The following ALPK1 variants were observed in gnomAD, a reference collection of about 807,000 sequenced individuals.
ALPK1 encodes alpha kinase 1.
A neutral mutation model predicts 120.6 loss-of-function variants in ALPK1; 110 were observed. The ratio of observed to expected loss-of-function variants is 0.91; its 90% confidence interval spans 0.78 to 1.07. ALPK1 has a LOEUF of 1.07. ALPK1 is among the 50% of genes least tolerant of loss of function. The pLI, the probability that ALPK1 is intolerant of heterozygous loss-of-function variation, is 0.00. For synonymous variants in ALPK1, 582 were observed against 560.3 expected, an observed-to-expected ratio of 1.04 and a Z score of -0.55; for missense variants, 1,498 against 1,483.9, an observed-to-expected ratio of 1.01 and a Z score of -0.16.
At chr4:112,327,580 C>T (rs999186914) in intron 2 of ALPK1, among the ~76,000 whole-genome samples, 11 of 152,046 alleles carry the variant, frequency 7.2e-5, no homozygotes, top group African/African-American at 1.2e-4. Flanking sequence ...GGACTACAGG[C>T]GTGCACAACC....
intron 3 of ALPK1, 59 bp downstream of exon 3, chr4:112,377,957 G>T: frequency 6.6e-7 from 1 of 1,518,298 alleles, no homozygotes; most frequent in Non-Finnish European, 8.9e-7. Flanking sequence ...CCTGTCCCCT[G>T]CCTGAACGAC....
In ALPK1 at chr4:112,432,164, A is replaced by G. The variant is rs1414424274; in HGVS notation, c.2617A>G (p.Arg873Gly). ...CTGCACAAATGGGCACGGCTCTCAT[A>G]GACTGTGCATTCTGAGACAGCCGCC... ...VPCTNGHGSH[R>G]LCILRQPPGQ... Residue 873 changes from arginine (R) to glycine (G), a missense_variant, in exon 11 of 16, where the codon AGA becomes GGA. Transcript: ENST00000650871. The G allele has an allele frequency of 6.2e-7, 1 of 1,614,196 alleles. No homozygotes were observed. Among genetic ancestry groups the G allele is most frequent in the Non-Finnish European group, 8.5e-7 (1 of 1,180,028 alleles).
chr4:112,361,162 C>T (rs1325110037), intron 2 of ALPK1, among the ~76,000 whole-genome samples: 5 of 152,190 alleles, frequency 3.3e-5, no homozygotes, highest in African/African-American at 1.2e-4. Context: ...AACTTTTACT[C>T]CAAGAACCAC....
At chr4:112,411,257 C>G (rs1410762888) in intron 4 of ALPK1, among the ~76,000 whole-genome samples, 1 of 152,220 alleles carries the variant, frequency 6.6e-6, no homozygotes, top group Non-Finnish European at 1.5e-5. Flanking sequence ...CGGAGTCTCG[C>G]TCTGTCGCCC....
chr4:112,426,581 T>A (rs1470739431), intron 8 of ALPK1, 38 bp downstream of exon 8: 1 of 1,444,146 alleles, frequency 6.9e-7, no homozygotes, highest in Admixed American at 2.5e-5. Context: ...CTTTCCTGTA[T>A]TTGTCTTTGG....
chr4:112,310,549 T>C (rs1443779373), intron 1 of ALPK1, among the ~76,000 whole-genome samples: 1 of 152,118 alleles, frequency 6.6e-6, no homozygotes, highest in African/African-American at 2.4e-5. Flanking sequence ...GACTTTACTA[T>C]CTATTCAAAA....
At chr4:112,341,953 G>C (rs1560644598) in intron 2 of ALPK1, among the ~76,000 whole-genome samples, 1 of 152,190 alleles carries the variant, frequency 6.6e-6, no homozygotes, top group South Asian at 2.1e-4. Flanking sequence ...GAGTTCTGTG[G>C]AGAAAGAGCA....
At chr4:112,337,836 G>A (rs1169250892) in intron 2 of ALPK1, among the ~76,000 whole-genome samples, 1 of 152,168 alleles carries the variant, frequency 6.6e-6, no homozygotes, top group East Asian at 1.9e-4. Flanking sequence ...GATTTGTGAA[G>A]CATCTCTTAA....
At chr4:112,360,161 G>A (rs1323833683) in intron 2 of ALPK1, among the ~76,000 whole-genome samples, 1 of 151,880 alleles carries the variant, frequency 6.6e-6, no homozygotes, top group African/African-American at 2.4e-5. Context: ...ACAAATATGT[G>A]AGATCATATG....
intron 2 of ALPK1, among the ~76,000 whole-genome samples, chr4:112,338,255 C>T (rs1278847993): frequency 1.3e-5 from 2 of 152,190 alleles, no homozygotes; most frequent in East Asian, 1.9e-4. Context: ...CGTGAGCCAC[C>T]GCGCCCGGCC....
In ALPK1 at chr4:112,400,132, T is replaced by C. The variant is rs1022395641; in HGVS notation, c.277-11695T>C. 3.9e-5 allele frequency among the ~76,000 whole-genome samples: 6 copies of C among 152,192 alleles called. No homozygotes were observed. In the East Asian group the frequency reaches 1.2e-3, roughly 29 times the overall value. ...TATACCCAGTAATGGGATTGCTGGGTCAAATGATATTTCTGGTTCCAGATT... is the reference window on the plus strand; with the variant it reads ...TATACCCAGTAATGGGATTGCTGGGCCAAATGATATTTCTGGTTCCAGATT... On this transcript the variant is annotated intron_variant, in intron 4 of 15. Transcript: ENST00000650871.
At chr4:112,362,008 T>A (rs898172580) in intron 2 of ALPK1, among the ~76,000 whole-genome samples, 1 of 152,144 alleles carries the variant, frequency 6.6e-6, no homozygotes, top group Non-Finnish European at 1.5e-5. Context: ...GCAGTCTGGC[T>A]CTCAGGAAGC....
At position 112,411,992 on chromosome 4, in the gene ALPK1, G is replaced by T. The variant is rs934545904; in HGVS notation, c.442G>T (p.Val148Phe). ...QPATPIAPQV[V>F]IRQARISVNS... ...AGCCACGCCAATTGCCCCGCAGGTG[G>T]TTATTCGCCAAGCCCGAATCTCCGT... is the stretch of plus-strand genomic sequence containing the variant. Residue 148 changes from valine (V) to phenylalanine (F), a missense_variant, in exon 5 of 16, where the codon GTT (valine) becomes TTT (phenylalanine). Transcript: ENST00000650871. 14 of 1,614,026 alleles carry T rather than the reference G, an allele frequency of 8.7e-6. No homozygotes were observed. The highest frequency in any genetic ancestry group is 1.2e-5 in the Non-Finnish European group (14 of 1,180,056).
At chr4:112,325,514 T>G (rs1479819458) in intron 2 of ALPK1, among the ~76,000 whole-genome samples, 1 of 152,236 alleles carries the variant, frequency 6.6e-6, no homozygotes, top group East Asian at 1.9e-4. Context: ...GTCATTCACA[T>G]TCAAAGTCCA....
chr4:112,420,604 C>T (rs566743192), intron 5 of ALPK1, among the ~76,000 whole-genome samples: 4 of 152,240 alleles, frequency 2.6e-5, no homozygotes, highest in African/African-American at 9.6e-5. Flanking sequence ...TTTCAATAGG[C>T]GCTTCTGTGC....
intron 2 of ALPK1, among the ~76,000 whole-genome samples, chr4:112,349,553 C>CCCG (rs1441471933): frequency 1.4e-5 from 2 of 139,462 alleles, no homozygotes; most frequent in Admixed American, 7.0e-5. Context: ...CAACCCCTGC[C>CCCG]CCCCCCCGCT....
chr4:112,350,159 C>G (rs1730289249), intron 2 of ALPK1, among the ~76,000 whole-genome samples: 1 of 152,152 alleles, frequency 6.6e-6, no homozygotes, highest in African/African-American at 2.4e-5. Flanking sequence ...TATTTCAGAG[C>G]CCCCACATCC....
At chr4:112,376,751 C>A (rs1430737466) in intron 2 of ALPK1, among the ~76,000 whole-genome samples, 1 of 152,230 alleles carries the variant, frequency 6.6e-6, no homozygotes, top group Non-Finnish European at 1.5e-5. Flanking sequence ...TCTTCCCTTT[C>A]AGACTCTCTT....
intron 2 of ALPK1, among the ~76,000 whole-genome samples, chr4:112,376,702 G>C (rs1731678023): frequency 6.6e-6 from 1 of 152,186 alleles, no homozygotes; most frequent in Non-Finnish European, 1.5e-5. Context: ...CATAAGCTCA[G>C]AGACAGAATA....
Sources: gnomAD v4.1 joint callset for allele counts (sites outside exome capture counted in the v4.1 genomes callset) on GRCh38, gnomAD v4.1.1 for gene constraint, MANE v1.5 for transcripts, NCBI Gene and HGNC (gene_info 2026-07-23, HGNC 2026-07-21) for gene names.